The following GRIA4 variants were observed in gnomAD, a reference collection of about 807,000 sequenced individuals.
GRIA4 encodes the protein glutamate ionotropic receptor AMPA type subunit 4, also known as glutamate receptor 4.
A neutral mutation model predicts 104.0 loss-of-function variants in GRIA4; 34 were observed. The observed-to-expected ratio is 0.33, with a 90% CI of 0.25 to 0.44. The LOEUF (loss-of-function observed/expected upper bound fraction) is 0.44, where lower values mean the gene tolerates loss of function less well. GRIA4 is among the 20% of genes least tolerant of loss of function. The pLI is 1.00. For missense variants in GRIA4, 750 were observed against 1,096.5 expected (o/e 0.68, Z 4.46); for synonymous variants, 386 against 381.9 (o/e 1.01, Z -0.13).
intron 3 of GRIA4, among the ~76,000 whole-genome samples, chr11:105,705,540 G>T (rs1344967166): frequency 6.6e-6 from 1 of 151,778 alleles, no homozygotes; most frequent in Non-Finnish European, 1.5e-5. Context: ...AGTACATAAA[G>T]AACACATAAA....
intron 4 of GRIA4, among the ~76,000 whole-genome samples, chr11:105,829,656 C>T (rs1460581759): frequency 1.3e-5 from 2 of 151,744 alleles, no homozygotes; most frequent in South Asian, 2.1e-4. Context: ...CACACTATGT[C>T]GACATATACT....
chr11:105,931,688 G>C (rs1281878220), intron 13 of GRIA4, among the ~76,000 whole-genome samples: 3 of 151,870 alleles, frequency 2.0e-5, no homozygotes, highest in Non-Finnish European at 2.9e-5. Context: ...CTGGGTGACA[G>C]AGCAAGACTC....
At chr11:105,914,957 T>G (rs1947358329) in intron 10 of GRIA4, among the ~76,000 whole-genome samples, 1 of 152,188 alleles carries the variant, frequency 6.6e-6, no homozygotes, top group Non-Finnish European at 1.5e-5. Flanking sequence ...CCTACCTTTG[T>G]ATTAACTCTA....
intron 14 of GRIA4, among the ~76,000 whole-genome samples, chr11:105,959,076 T>A (rs1046090051): frequency 3.9e-5 from 6 of 152,174 alleles, no homozygotes; most frequent in Non-Finnish European, 8.8e-5. Context: ...GAGAATCTGA[T>A]GATTATGTGT....
chr11:105,647,084 A>G (rs1340416051), intron 3 of GRIA4, among the ~76,000 whole-genome samples: 1 of 152,222 alleles, frequency 6.6e-6, no homozygotes, highest in Non-Finnish European at 1.5e-5. Context: ...TAGCATCTGT[A>G]AGGAACTTAA....
At chr11:105,903,773 G>T in intron 7 of GRIA4, 41 bp from the exon 8 acceptor site, 1 of 1,421,790 alleles carries the variant, frequency 7.0e-7, no homozygotes, top group South Asian at 1.2e-5. Flanking sequence ...CACTCGATAA[G>T]ATTTTAACAT....
rs868419850 is a variant in GRIA4 at position 105,956,760 on chromosome 11, C to G, written c.2295-15154C>G. Among the ~76,000 whole-genome samples the G allele has an allele frequency of 1.2e-4, 18 of 152,302 alleles. No individual in the cohort carries two copies. In the South Asian group the frequency reaches 3.7e-3, roughly 32 times the overall value. The stretch of plus-strand genomic sequence containing the variant: ...GTGTTCCTATTTCTCCACATCCTCT[C>G]CAGCACCTGTTGTTTCCTGACTTTT... On this transcript the variant is annotated intron_variant, in intron 14 of 16. Coordinates refer to ENST00000282499, the MANE Select transcript of GRIA4 (RefSeq NM_000829.4).
In GRIA4 at chr11:105,980,891, T is replaced by A. The variant is rs147627109; in HGVS notation, c.*1152T>A. The stretch of plus-strand genomic sequence containing the variant: ...TTTGACTCATTAACAGATTAAACTG[T>A]CAAAGATGGAGTCTTTGAGTTGGGG... On this transcript the variant is annotated 3_prime_UTR_variant, in exon 17 of 17. Transcript: ENST00000282499. The A allele has an allele frequency of 6.2e-3, 952 of 152,734 alleles. 5 individuals are homozygous for A. The highest frequency in any genetic ancestry group is 9.3e-3 in the Non-Finnish European group (635 of 68,022). The allele number at this position is 152,734 out of a possible 1,614,324, so 9.5% of individuals were successfully genotyped here.
chr11:105,697,630 T>G (rs1565472911), intron 3 of GRIA4, among the ~76,000 whole-genome samples: 1 of 152,220 alleles, frequency 6.6e-6, no homozygotes, highest in African/African-American at 2.4e-5. Flanking sequence ...GCCAAGCCCC[T>G]GTGCTCCTTC....
At chr11:105,866,912 A>G (rs1470771031) in intron 5 of GRIA4, among the ~76,000 whole-genome samples, 1 of 152,124 alleles carries the variant, frequency 6.6e-6, no homozygotes, top group East Asian at 1.9e-4. Context: ...AGGAAAAGAT[A>G]GTAAGGACTG....
chr11:105,729,689 C>T (rs1009488440), intron 3 of GRIA4, among the ~76,000 whole-genome samples: 21 of 152,236 alleles, frequency 1.4e-4, no homozygotes, highest in South Asian at 6.2e-4. Context: ...CCCTGGGATA[C>T]GAGGCTGGTT....
intron 5 of GRIA4, among the ~76,000 whole-genome samples, chr11:105,875,810 C>T (rs1380348327): frequency 6.6e-6 from 1 of 151,984 alleles, no homozygotes; most frequent in Non-Finnish European, 1.5e-5. Context: ...CTCTTTTCTT[C>T]TTTATTAGTC....
intron 3 of GRIA4, among the ~76,000 whole-genome samples, chr11:105,621,987 C>A (rs1019854648): frequency 6.7e-6 from 1 of 149,540 alleles, no homozygotes; most frequent in African/African-American, 2.5e-5. Flanking sequence ...CTGTGTACTT[C>A]TTTCTCTGTT....
intron 3 of GRIA4, among the ~76,000 whole-genome samples, chr11:105,710,075 CTT>C (rs1048694899): frequency 9.9e-5 from 15 of 152,176 alleles, no homozygotes; most frequent in African/African-American, 3.4e-4. Flanking sequence ...TTAGTGAAGT[CTT>C]TTATTATTTT....
intron 3 of GRIA4, among the ~76,000 whole-genome samples, chr11:105,682,436 G>T (rs1399115961): frequency 6.6e-6 from 1 of 152,150 alleles, no homozygotes; most frequent in African/African-American, 2.4e-5. Flanking sequence ...AAGAAAAGAT[G>T]ATGACAGAAA....
chr11:105,835,303 C>G lies in GRIA4; in HGVS notation c.488-26721C>G, dbSNP rs1415019067. 4.0e-5 allele frequency among the ~76,000 whole-genome samples: 6 copies of G among 151,884 alleles called. No homozygotes were observed. The East Asian group carries it at 7.7e-4, about 20-fold the overall frequency. On this transcript the variant is annotated intron_variant, in intron 4 of 16. Coordinates refer to ENST00000282499, the MANE Select transcript of GRIA4 (RefSeq NM_000829.4). ...TTTGACTTATACGTGAGTGGTACAA[C>G]CATTGAATGGCATAGTCTTTACTAA... is the stretch of plus-strand genomic sequence containing the variant.
At chr11:105,895,249 A>ATGTGTGTGTG (rs1262628303) in intron 6 of GRIA4, among the ~76,000 whole-genome samples, 2 of 42,454 alleles carry the variant, frequency 4.7e-5, no homozygotes, top group African/African-American at 2.1e-4. Context: ...CTACGAGCTC[A>ATGTGTGTGTG]TGCGTGTGTG....
chr11:105,767,243 G>A lies in GRIA4; in HGVS notation c.487+14023G>A, dbSNP rs538713236. On this transcript the variant is annotated intron_variant, in intron 4 of 16. Coordinates refer to ENST00000282499, the MANE Select transcript of GRIA4 (RefSeq NM_000829.4). ...GGGTGGTCAGGAGCTTCTGAGGCCC[G>A]CTAATGAATGATCAGGAATGCTTGT... Among the ~76,000 whole-genome samples, 72 of 152,142 alleles carry A rather than the reference G, an allele frequency of 4.7e-4. 2 individuals carry two copies. In the South Asian group the frequency reaches 0.015, roughly 31 times the overall value.
At chr11:105,657,985 A>G (rs1050168771) in intron 3 of GRIA4, among the ~76,000 whole-genome samples, 2 of 151,772 alleles carry the variant, frequency 1.3e-5, no homozygotes, top group Non-Finnish European at 2.9e-5. Context: ...CTTTTAAGTT[A>G]CTTATCTGTG....
Sources: gnomAD v4.1 joint callset for allele counts (sites outside exome capture counted in the v4.1 genomes callset) on GRCh38, gnomAD v4.1.1 for gene constraint, MANE v1.5 for transcripts, NCBI Gene and HGNC (gene_info 2026-07-23, HGNC 2026-07-21) for gene names.